ZNF786: variants seen among roughly 807,000 people sequenced by gnomAD.
ZNF786 encodes zinc finger protein 786.
Under a neutral mutation model 63.1 loss-of-function variants are expected in ZNF786, and 56 were observed. That is an observed-to-expected ratio of 0.89 (90% CI 0.72 to 1.11). ZNF786 has a LOEUF of 1.11. ZNF786 is among the 50% of genes least tolerant of loss of function. The probability of loss-of-function intolerance (pLI) is 0.00; values close to 1 mark genes in which losing one functional copy is unlikely to be tolerated. For synonymous variants in ZNF786, 485 were observed against 406.9 expected (o/e 1.19, Z -2.31); for missense variants, 1,213 against 1,041.8 (o/e 1.16, Z -2.26).
At chr7:149,085,869 T>A (rs549010526) in intron 1 of ZNF786, among the ~76,000 whole-genome samples, 1 of 152,366 alleles carries the variant, frequency 6.6e-6, no homozygotes, top group Non-Finnish European at 1.5e-5. Context: ...TATTCTTGAT[T>A]TGGCTTTTAG....
Position 149,078,563 on chromosome 7 carries a change from A to G in ZNF786, c.145+2028T>C, listed in dbSNP as rs11978720. Among the ~76,000 whole-genome samples the G allele has an allele frequency of 1.1e-3, 173 of 152,256 alleles. 1 individual carries two copies. Among genetic ancestry groups the G allele is most frequent in the African/African-American group, 3.9e-3 (162 of 41,560 alleles). ...GCAGGGCGTGGTGGCGCATGCCTGTAATCTCAGCTACTCAGGAGGCTGAGG... is the reference window on the plus strand; with the variant it reads ...GCAGGGCGTGGTGGCGCATGCCTGTGATCTCAGCTACTCAGGAGGCTGAGG... On this transcript the variant is annotated intron_variant, in intron 2 of 3. Transcript: ENST00000491431.
intron 2 of ZNF786, among the ~76,000 whole-genome samples, chr7:149,079,011 T>C (rs1370921527): frequency 1.3e-5 from 2 of 152,196 alleles, no homozygotes; most frequent in Non-Finnish European, 2.9e-5. Context: ...ACTCGATAAA[T>C]CAAGTTATTG....
At chr7:149,073,610 C>T (rs1297988781) in intron 3 of ZNF786, among the ~76,000 whole-genome samples, 1 of 151,030 alleles carries the variant, frequency 6.6e-6, no homozygotes, top group East Asian at 1.9e-4. Context: ...TGAGTTCTTA[C>T]TATATAAACT....
intron 1 of ZNF786, among the ~76,000 whole-genome samples, chr7:149,089,418 A>T (rs1027310846): frequency 1.1e-4 from 17 of 151,040 alleles, no homozygotes; most frequent in Non-Finnish European, 1.9e-4. Context: ...GAGTTCAAGC[A>T]ATTCTCCCTA....
chr7:149,072,356 C>T lies in ZNF786; in HGVS notation c.416G>A (p.Gly139Glu), dbSNP rs1243395625. Residue 139 changes from glycine to glutamate, a missense_variant, in exon 4 of 4, where the codon GGG becomes GAG. Transcript: ENST00000491431. ...SFRPDQGITL[G>E]SPQRHDARAP... is the part of the protein sequence containing the mutation. ...CCTGGCGTCGTGTCTCTGTGGGCTC[C>T]CGAGGGTGATGCCTTGGTCAGGCCT... is the stretch of plus-strand genomic sequence containing the variant. 6.2e-7 allele frequency: 1 copy of T among 1,613,456 alleles called. No homozygotes were observed. The highest frequency in any genetic ancestry group is 2.2e-5 in the East Asian group (1 of 44,860).
Position 149,071,385 on chromosome 7 carries a change from G to A in ZNF786, c.1387C>T (p.Arg463Cys), listed in dbSNP as rs757760391. Residue 463 changes from arginine to cysteine, a missense_variant, in exon 4 of 4, where the codon CGT becomes TGT. By Grantham distance (180) the Arg-to-Cys change is radical. Transcript: ENST00000491431. Reference sequence around the variant, plus strand: ...TGCCGCAGCAGCTGTCCCCTCTGACGGAAGTTCCTGCCACACTTGGCACAC... The same window carrying A: ...TGCCGCAGCAGCTGTCCCCTCTGACAGAAGTTCCTGCCACACTTGGCACAC... ...FRCAKCGRNF[R>C]QRGQLLRHQR... 1 of 1,613,068 alleles carries A rather than the reference G, an allele frequency of 6.2e-7. No individual in the cohort carries two copies. The highest frequency in any genetic ancestry group is 8.5e-7 in the Non-Finnish European group (1 of 1,179,738).
chr7:149,080,774 T>C, intron 1 of ZNF786, 57 bp from the exon 2 acceptor site: 1 of 1,531,548 alleles, frequency 6.5e-7, no homozygotes, highest in Non-Finnish European at 8.7e-7. Flanking sequence ...TGACTCCAGC[T>C]CCTTCTCCTT....
chr7:149,071,595 C>G lies in ZNF786; in HGVS notation c.1177G>C (p.Gly393Arg), dbSNP rs1180709210. 1 of 1,605,946 alleles carries G rather than the reference C, an allele frequency of 6.2e-7. No homozygotes were observed. The highest frequency in any genetic ancestry group is 1.3e-5 in the African/African-American group (1 of 74,850). ...TGCGCACACTGGAAGGGCTTTTCTC[C>G]AGTATGCGCCCTGCAGGGGCTGGCG... is the stretch of plus-strand genomic sequence containing the variant. ...RLASPCRAHT[G>R]EKPFQCAHCT... The change falls in exon 4 of 4, where the codon GGA (glycine) becomes CGA (arginine). Residue 393 changes from glycine to arginine, a missense_variant. Transcript: ENST00000491431.
intron 2 of ZNF786, among the ~76,000 whole-genome samples, chr7:149,077,849 A>G (rs2129515752): frequency 6.6e-6 from 1 of 151,590 alleles, no homozygotes; most frequent in Admixed American, 6.6e-5. Context: ...AACAAATTAA[A>G]ATGTAGCATA....
intron 1 of ZNF786, among the ~76,000 whole-genome samples, chr7:149,085,091 C>G (rs187844906): frequency 2.2e-4 from 34 of 152,210 alleles, no homozygotes; most frequent in African/African-American, 7.7e-4. Context: ...TGTAGAAGAT[C>G]AGATGATTGT....
In ZNF786 at chr7:149,074,400, T is replaced by C. The variant is rs1825504717; in HGVS notation, c.284A>G (p.Glu95Gly). 1 of 1,613,626 alleles carries C rather than the reference T, an allele frequency of 6.2e-7. No individual in the cohort carries two copies. The highest frequency in any genetic ancestry group is 1.3e-5 in the African/African-American group (1 of 74,880). ...TTAATACTCACCCCAAAACAGCTGT[T>C]CCTCAAAACCTGGATCAAAATGCAT... ...VDMHFDPGFEEQLFWGSQQAM... is the reference protein window; with the variant it reads ...VDMHFDPGFEGQLFWGSQQAM... The change falls in exon 3 of 4, where the codon GAA becomes GGA. Residue 95 changes from glutamate (E) to glycine (G), a missense_variant. Physicochemically the swap from Glu to Gly is moderately conservative, Grantham distance 98. Coordinates refer to ENST00000491431, the MANE Select transcript of ZNF786 (RefSeq NM_152411.4).
chr7:149,072,335 G>A lies in ZNF786; in HGVS notation c.437C>T (p.Ala146Val). Residue 146 changes from alanine (A) to valine (V), a missense_variant, in exon 4 of 4, where the codon GCC (alanine) becomes GTC (valine). Transcript: ENST00000491431. The stretch of plus-strand genomic sequence containing the variant: ...GCAGGCTAGTGGTGGAGGAGCCCTG[G>A]CGTCGTGTCTCTGTGGGCTCCCGAG... ...ITLGSPQRHD[A>V]RAPPPLACGP... 4 of 1,613,818 alleles carry A rather than the reference G, an allele frequency of 2.5e-6. No homozygotes were observed. Among genetic ancestry groups the A allele is most frequent in the Non-Finnish European group, 3.4e-6 (4 of 1,179,832 alleles).
intron 1 of ZNF786, 24 bp downstream of exon 1, chr7:149,090,599 G>A (rs1002629023): frequency 7.7e-6 from 12 of 1,568,350 alleles, no homozygotes; most frequent in Middle Eastern, 1.7e-4. Context: ...GAAACCGGGC[G>A]TCCAAACAGG....
Position 149,070,798 on chromosome 7 carries a change from C to A in ZNF786, c.1974G>T (p.Val658=), listed in dbSNP as rs1200079867. 6.2e-7 allele frequency: 1 copy of A among 1,613,692 alleles called. No homozygotes were observed. Among genetic ancestry groups the A allele is most frequent in the Non-Finnish European group, 8.5e-7 (1 of 1,179,914 alleles). ...TGTGCTCGATGAGCTTTGAGTGTTTCACAAAGCCCTTGCCGCACTCACAGG... is the reference window on the plus strand; with the variant it reads ...TGTGCTCGATGAGCTTTGAGTGTTTAACAAAGCCCTTGCCGCACTCACAGG... The part of the protein sequence containing the change: ...PFSCECGKGF[V]KHSKLIEHIR... The change falls in exon 4 of 4, where the codon GTG becomes GTT. Residue 658 remains valine, a synonymous_variant. Transcript: ENST00000491431.
At position 149,072,495 on chromosome 7, in the gene ZNF786, C is replaced by T. The variant is rs781384035; in HGVS notation, c.299-22G>A. On this transcript the variant is annotated intron_variant, in intron 3 of 3. Coordinates refer to ENST00000491431, the MANE Select transcript of ZNF786 (RefSeq NM_152411.4). ...CTTCCTGCAATTGAAAACAAAAATT[C>T]AGTCGGTATTCCTGTCTGCAGCACT... The T allele has an allele frequency of 7.1e-6, 11 of 1,548,784 alleles. No individual in the cohort carries two copies. The South Asian group carries it at 1.3e-4, about 19-fold the overall frequency.
chr7:149,075,981 G>C (rs768419651), intron 2 of ZNF786, among the ~76,000 whole-genome samples: 3 of 151,718 alleles, frequency 2.0e-5, no homozygotes, highest in Non-Finnish European at 4.4e-5. Context: ...GTTTTTTGAA[G>C]ATATGAGACA....
In ZNF786 at chr7:149,072,081, A is replaced by T. The variant is rs188243675; in HGVS notation, c.691T>A (p.Trp231Arg). Residue 231 changes from tryptophan to arginine, a missense_variant, in exon 4 of 4, where the codon TGG becomes AGG. By Grantham distance (101) the Trp-to-Arg change is moderately radical. Transcript: ENST00000491431. ...TGCCTCTGTACCCGAGGGCTGCTCC[A>T]CGGCATCTGCGTCTCCGCCCTCTTG... ...FNKRAETQMP[W>R]SSPRVQRHFR... is the part of the protein sequence containing the mutation. The T allele has an allele frequency of 7.7e-4, 1,246 of 1,613,252 alleles. 6 individuals are homozygous for T. The highest frequency in any genetic ancestry group is 1.8e-3 in the Middle Eastern group (11 of 6,058).
At position 149,087,784 on chromosome 7, in the gene ZNF786, T is replaced by G. The variant is rs551287029; in HGVS notation, c.18+2839A>C. Among the ~76,000 whole-genome samples the G allele has an allele frequency of 1.3e-3, 197 of 151,788 alleles. 1 individual carries two copies. Among genetic ancestry groups the G allele is most frequent in the African/African-American group, 4.7e-3 (194 of 41,398 alleles). ...CCCACTTCCACAAGCACATTTCAGG[T>G]AGTTCTTTTAGGTTTTTTTTTTTTT... On this transcript the variant is annotated intron_variant, in intron 1 of 3. Coordinates refer to ENST00000491431, the MANE Select transcript of ZNF786 (RefSeq NM_152411.4).
rs562572442 is a variant in ZNF786 at position 149,081,163 on chromosome 7, C to A, written c.19-446G>T. On this transcript the variant is annotated intron_variant, in intron 1 of 3. Coordinates refer to ENST00000491431, the MANE Select transcript of ZNF786 (RefSeq NM_152411.4). The stretch of plus-strand genomic sequence containing the variant: ...TTATAAATTACAGTATTCAGCCAGG[C>A]GCAGTGGGTCATGCCTGTAATCCCA... 285 of 456,284 alleles carry A rather than the reference C, an allele frequency of 6.2e-4. 1 individual carries two copies. The highest frequency in any genetic ancestry group is 9.5e-4 in the Non-Finnish European group (216 of 226,966). The allele number at this position is 456,284 out of a possible 1,614,324, so 28.3% of individuals were successfully genotyped here.
Sources: gnomAD v4.1 joint callset for allele counts (sites outside exome capture counted in the v4.1 genomes callset) on GRCh38, gnomAD v4.1.1 for gene constraint, MANE v1.5 for transcripts, NCBI Gene and HGNC (gene_info 2026-07-23, HGNC 2026-07-21) for gene names.